Variants in FLNB observed in about 807,000 individuals in gnomAD.
FLNB encodes the protein filamin-B.
In FLNB, 111 loss-of-function variants were observed where a neutral mutation model predicts 250.6. The observed-to-expected ratio is 0.44, with a 90% CI of 0.38 to 0.52. FLNB has a LOEUF of 0.52. FLNB is among the 20% of genes least tolerant of loss of function. FLNB has a pLI of 0.00. For synonymous variants in FLNB, 1,302 were observed against 1,372.1 expected, an observed-to-expected ratio of 0.95 and a Z score of 1.13; for missense variants, 2,869 against 3,447.8, an observed-to-expected ratio of 0.83 and a Z score of 4.20.
chr3:58,153,392 A>T lies in FLNB; in HGVS notation c.6385A>T (p.Met2129Leu), dbSNP rs760543750. The change falls in exon 39 of 46, where the codon ATG becomes TTG. Residue 2129 changes from methionine (M) to leucine (L), a missense_variant. By Grantham distance (15) the Met-to-Leu change is conservative. Transcript: ENST00000295956. ...TCTTTCAGAAATCAACAGCAGTGAT[A>T]TGTCGGCCCACGTCACCAGCCCCTC... ...LKIPEINSSDMSAHVTSPSGR... is the reference protein window; with the variant it reads ...LKIPEINSSDLSAHVTSPSGR... The T allele has an allele frequency of 1.9e-6, 3 of 1,614,212 alleles. No individual in the cohort carries two copies. Among genetic ancestry groups the T allele is most frequent in the Non-Finnish European group, 2.5e-6 (3 of 1,180,034 alleles).
At chr3:58,033,391 CTGTTT>C (rs1306073524) in intron 1 of FLNB, among the ~76,000 whole-genome samples, 1 of 137,634 alleles carries the variant, frequency 7.3e-6, no homozygotes, top group Non-Finnish European at 1.6e-5. Flanking sequence ...ATATAGTATG[CTGTTT>C]TGTTTTTTTT....
rs2097265152 is a variant in FLNB, at chr3:58,109,634, A to G, written c.2258A>G (p.Glu753Gly). 6.2e-7 allele frequency: 1 copy of G among 1,614,180 alleles called. No individual in the cohort carries two copies. Among genetic ancestry groups the G allele is most frequent in the East Asian group, 2.2e-5 (1 of 44,878 alleles). The change falls in exon 15 of 46, where the codon GAG becomes GGG. Residue 753 changes from glutamate to glycine, a missense_variant. Glu to Gly is a moderately conservative substitution (Grantham distance 98). This residue lies in a region of FLNB where 1,348 missense variants were observed against 1,466.7 expected (regional missense o/e 0.92). Transcript: ENST00000295956. ...GTCAAAGTGTTTGGGCCAGGTGTGGAGAGAAGTGGTCTGAAGGCAAATGAA... is the reference window on the plus strand; with the variant it reads ...GTCAAAGTGTTTGGGCCAGGTGTGGGGAGAAGTGGTCTGAAGGCAAATGAA... ...QKVKVFGPGV[E>G]RSGLKANEPT...
Position 58,111,780 on chromosome 3 carries a change from C to T in FLNB, c.2485-11C>T. On this transcript the variant is annotated splice_polypyrimidine_tract_variant and intron_variant, in intron 16 of 45. Transcript: ENST00000295956. ...AGGGGCTTTCCTACTAAGACTGTGTCTCTGCTACAGGAAATCCCCGCCAGC... is the reference window on the plus strand; with the variant it reads ...AGGGGCTTTCCTACTAAGACTGTGTTTCTGCTACAGGAAATCCCCGCCAGC... The T allele has an allele frequency of 6.2e-7, 1 of 1,608,414 alleles. No homozygotes were observed. The highest frequency in any genetic ancestry group is 1.1e-5 in the South Asian group (1 of 90,930).
intron 43 of FLNB, among the ~76,000 whole-genome samples, chr3:58,167,561 C>T (rs915456320): frequency 2.6e-5 from 4 of 152,226 alleles, no homozygotes; most frequent in Admixed American, 6.5e-5. Flanking sequence ...AGCAGGCATG[C>T]GCCAGACCTG....
At chr3:58,126,822 G>C (rs1465914691) in intron 24 of FLNB, 60 bp downstream of exon 24, 13 of 1,520,856 alleles carry the variant, frequency 8.5e-6, no homozygotes. Flanking sequence ...AAATGGGTTT[G>C]ATTTTGGTTA....
intron 4 of FLNB, among the ~76,000 whole-genome samples, chr3:58,084,142 A>T (rs1406409073): frequency 2.0e-5 from 3 of 150,984 alleles, no homozygotes; most frequent in Non-Finnish European, 4.4e-5. Flanking sequence ...CAGTGAGCCG[A>T]GATCGCGCCA....
intron 4 of FLNB, among the ~76,000 whole-genome samples, chr3:58,090,124 CTT>C (rs1413346492): frequency 1.3e-5 from 2 of 148,942 alleles, no homozygotes. Context: ...GTGTTTAAAA[CTT>C]TTCATTTTTG....
chr3:58,161,408 G>A (rs139455117), intron 42 of FLNB, among the ~76,000 whole-genome samples: 11 of 152,272 alleles, frequency 7.2e-5, no homozygotes, highest in South Asian at 4.1e-4. Context: ...AAATGGAGAT[G>A]TTTACTAGAT....
In FLNB at chr3:58,169,862, C is replaced by T. The variant is rs2097378677; in HGVS notation, c.7621+69C>T. 2.9e-6 allele frequency: 4 copies of T among 1,357,772 alleles called. No individual in the cohort carries two copies. The South Asian group carries it at 3.7e-5, about 13-fold the overall frequency. The allele number at this position is 1,357,772 out of a possible 1,614,324, so 84.1% of individuals were successfully genotyped here. A position where few individuals can be genotyped will look rare whatever the true frequency, so the allele number is the denominator to read the frequency against. On this transcript the variant is annotated intron_variant, in intron 45 of 45. Coordinates refer to ENST00000295956, the MANE Select transcript of FLNB (RefSeq NM_001457.4). This position sits in a 1 kb window ranked among gnomAD's most constrained non-coding sequence, Gnocchi z 4.8. ...GGCTGGGCACCCTGGGTACACTGGC[C>T]TTCCCTGCTGAGGTCTCCTGCAGTG...
chr3:58,148,136 T>C (rs769806981), intron 34 of FLNB, 70 bp from the exon 35 acceptor site: 37 of 1,500,796 alleles, frequency 2.5e-5, no homozygotes, highest in Non-Finnish European at 3.2e-5. Flanking sequence ...GAACAGCATA[T>C]GGCATGGCAG....
Position 58,100,373 on chromosome 3 carries a change from A to AAAAATAT in FLNB, c.1345+1466_1345+1467insAAATATA. On this transcript the variant is annotated intron_variant, in intron 8 of 45. Coordinates refer to ENST00000295956, the MANE Select transcript of FLNB (RefSeq NM_001457.4). ...AATGATTTTACATATGTAAAAAAAA[A>AAAAATAT]ATATATATATATTTGCAGGGGCGCG... is the stretch of plus-strand genomic sequence containing the variant. Among the ~76,000 whole-genome samples the AAAAATAT allele has an allele frequency of 1.8e-3, 185 of 104,348 alleles. 11 individuals carry two copies. The highest frequency in any genetic ancestry group is 7.6e-3 in the African/African-American group (167 of 21,914). The allele number at this position is 104,348 out of a possible 152,430, so 68.5% of individuals were successfully genotyped here.
chr3:58,153,396 C>G lies in FLNB; in HGVS notation c.6389C>G (p.Ser2130Trp). The G allele has an allele frequency of 6.2e-7, 1 of 1,614,206 alleles. No individual in the cohort carries two copies. The highest frequency in any genetic ancestry group is 1.1e-5 in the South Asian group (1 of 91,080). Residue 2130 changes from serine to tryptophan, a missense_variant, in exon 39 of 46, where the codon TCG becomes TGG. By Grantham distance (177) the Ser-to-Trp change is radical (BLOSUM62 -3). Transcript: ENST00000295956. Reference sequence around the variant, plus strand: ...TCAGAAATCAACAGCAGTGATATGTCGGCCCACGTCACCAGCCCCTCTGGC... The same window carrying G: ...TCAGAAATCAACAGCAGTGATATGTGGGCCCACGTCACCAGCCCCTCTGGC... Reference protein sequence around the residue: ...KIPEINSSDMSAHVTSPSGRV... With the variant: ...KIPEINSSDMWAHVTSPSGRV...
intron 29 of FLNB, among the ~76,000 whole-genome samples, chr3:58,139,039 C>T (rs749971168): frequency 1.3e-5 from 2 of 152,144 alleles, no homozygotes; most frequent in Admixed American, 6.5e-5. Flanking sequence ...GGAAATACCT[C>T]GTCTTTTGCA....
In FLNB at chr3:58,077,762, T is replaced by A. The variant is rs138009584; in HGVS notation, c.541+468T>A. On this transcript the variant is annotated intron_variant, in intron 2 of 45. Transcript: ENST00000295956. ...GGCATTCTCCACCCTTTTCTTTCTG[T>A]GTTGCTGTGAAATAGCATTTGGTCA... 2.0e-5 allele frequency among the ~76,000 whole-genome samples: 3 copies of A among 152,340 alleles called. No individual in the cohort carries two copies. In the East Asian group the frequency reaches 5.8e-4, roughly 29 times the overall value.
Position 58,143,519 on chromosome 3 carries a change from G to T in FLNB, c.5331G>T (p.Val1777=). ...GGAAGACAGCCACACCTGAGATTGT[G>T]GACAACAAGGACGGCACGGTCACTG... is the stretch of plus-strand genomic sequence containing the variant. The part of the protein sequence containing the change: ...PSGKTATPEI[V]DNKDGTVTVR... The change falls in exon 32 of 46, where the codon GTG becomes GTT. Residue 1777 remains valine, a synonymous_variant. Coordinates refer to ENST00000295956, the MANE Select transcript of FLNB (RefSeq NM_001457.4). 2 of 1,614,134 alleles carry T rather than the reference G, an allele frequency of 1.2e-6. No individual in the cohort carries two copies. The highest frequency in any genetic ancestry group is 1.7e-6 in the Non-Finnish European group (2 of 1,180,012).
intron 1 of FLNB, among the ~76,000 whole-genome samples, chr3:58,033,110 T>G (rs1302457063): frequency 6.6e-6 from 1 of 152,306 alleles, no homozygotes; most frequent in Non-Finnish European, 1.5e-5. Context: ...CAAAAAATAT[T>G]GAGGTATAAT....
At chr3:58,053,173 C>G (rs917214628) in intron 1 of FLNB, among the ~76,000 whole-genome samples, 1 of 152,168 alleles carries the variant, frequency 6.6e-6, no homozygotes, top group Non-Finnish European at 1.5e-5. Context: ...CCATCTGTGT[C>G]TACAGTCTAG....
chr3:58,044,898 C>T (rs1205301689), intron 1 of FLNB, among the ~76,000 whole-genome samples: 2 of 152,198 alleles, frequency 1.3e-5, no homozygotes, highest in African/African-American at 4.8e-5. Flanking sequence ...ATGGCTTTGA[C>T]TGGAAAAACT....
intron 1 of FLNB, among the ~76,000 whole-genome samples, chr3:58,032,972 C>T (rs1207489157): frequency 6.6e-6 from 1 of 152,114 alleles, no homozygotes; most frequent in Non-Finnish European, 1.5e-5. Flanking sequence ...ACTCAGGAGG[C>T]TGAGGTGGGA....
Sources: allele counts gnomAD v4.1 joint callset (sites outside exome capture counted in the v4.1 genomes callset), GRCh38; gene constraint gnomAD v4.1.1; regional missense constraint gnomAD v4.1.1; non-coding constraint Gnocchi (gnomAD v3.1); transcripts MANE v1.5; gene names NCBI Gene and HGNC (gene_info 2026-07-23, HGNC 2026-07-21).